NBEA: variants seen among roughly 807,000 people sequenced by gnomAD.
NBEA encodes neurobeachin, also known as lysosomal-trafficking regulator 2.
In NBEA, 44 loss-of-function variants were observed where a neutral mutation model predicts 343.4. The ratio of observed to expected loss-of-function variants is 0.13; its 90% CI spans 0.10 to 0.16. NBEA has a LOEUF of 0.16. Among genes scored for constraint, NBEA ranks in the 10% least tolerant of loss-of-function variants. NBEA has a pLI of 1.00. For synonymous variants in NBEA, 1,175 were observed against 1,238.7 expected, an observed-to-expected ratio of 0.95 and a Z score of 1.08; for missense variants, 2,555 against 3,631.3, an observed-to-expected ratio of 0.70 and a Z score of 7.62.
intron 41 of NBEA, among the ~76,000 whole-genome samples, chr13:35,510,766 A>G (rs1006621517): frequency 4.6e-5 from 7 of 152,160 alleles, no homozygotes; most frequent in South Asian, 4.1e-4. Flanking sequence ...AGTCCTTACA[A>G]TTTTGTTAGG....
intron 41 of NBEA, among the ~76,000 whole-genome samples, chr13:35,480,885 G>A (rs1352272096): frequency 1.3e-5 from 2 of 151,816 alleles, no homozygotes; most frequent in Non-Finnish European, 2.9e-5. Context: ...CCTGGTATAA[G>A]AACACTTGAG....
At chr13:35,410,207 T>C (rs1221850952) in intron 38 of NBEA, among the ~76,000 whole-genome samples, 1 of 152,166 alleles carries the variant, frequency 6.6e-6, no homozygotes, top group African/African-American at 2.4e-5. Context: ...CTATCTTTCC[T>C]TCCATGTTTA....
In NBEA at chr13:35,671,180, G is replaced by A. The variant is rs771924712; in HGVS notation, c.*189G>A. 1 of 546,640 alleles carries A rather than the reference G, an allele frequency of 1.8e-6. No homozygotes were observed. The highest frequency in any genetic ancestry group is 3.3e-6 in the Non-Finnish European group (1 of 304,172). 33.9% of individuals were successfully genotyped at this position (546,640 alleles called of 1,614,324 possible). On this transcript the variant is annotated 3_prime_UTR_variant, in exon 59 of 59. Coordinates refer to ENST00000379939, the MANE Select transcript of NBEA (RefSeq NM_001385012.1). ...TGTGTTTTTTCACGACTGAACACCA[G>A]CTGCTATCAAGCAAGCTTATATCAT...
intron 34 of NBEA, among the ~76,000 whole-genome samples, chr13:35,285,280 T>G (rs1338860815): frequency 2.6e-5 from 4 of 151,980 alleles, no homozygotes; most frequent in African/African-American, 9.7e-5. Context: ...ATTACAAAAA[T>G]TATCCACTGT....
intron 41 of NBEA, among the ~76,000 whole-genome samples, chr13:35,532,073 T>A (rs528695795): frequency 6.6e-6 from 1 of 152,350 alleles, no homozygotes; most frequent in African/African-American, 2.4e-5. Context: ...AGGGATTAGC[T>A]TCAAATTGTC....
chr13:35,200,669 A>G (rs1249977339), intron 31 of NBEA, among the ~76,000 whole-genome samples: 2 of 151,884 alleles, frequency 1.3e-5, no homozygotes, highest in Non-Finnish European at 2.9e-5. Context: ...CAGGGAAACT[A>G]GTAGGTATTT....
chr13:35,445,810 ATATATATG>A (rs1296948134), intron 39 of NBEA, among the ~76,000 whole-genome samples: 1 of 135,476 alleles, frequency 7.4e-6, no homozygotes, highest in Admixed American at 7.3e-5. Flanking sequence ...ATATATATAT[ATATATATG>A]TATATATATA....
At chr13:35,013,222 A>T (rs768553900) in intron 1 of NBEA, among the ~76,000 whole-genome samples, 27 of 152,310 alleles carry the variant, frequency 1.8e-4, no homozygotes, top group South Asian at 4.1e-4. Flanking sequence ...GGAACTTATC[A>T]TTAGAAGTTT....
chr13:34,980,371 A>G (rs966672584), intron 1 of NBEA, among the ~76,000 whole-genome samples: 6 of 151,844 alleles, frequency 4.0e-5, no homozygotes, highest in Non-Finnish European at 8.8e-5. Flanking sequence ...GATCTTTTAA[A>G]AATTTCTTCC....
chr13:35,040,220 T>C (rs2062599738), intron 1 of NBEA, among the ~76,000 whole-genome samples: 1 of 152,170 alleles, frequency 6.6e-6, no homozygotes, highest in South Asian at 2.1e-4. Context: ...TAAAGAGTGT[T>C]ATTATGTTAT....
At chr13:35,426,872 T>C (rs2044713712) in intron 38 of NBEA, among the ~76,000 whole-genome samples, 1 of 152,184 alleles carries the variant, frequency 6.6e-6, no homozygotes, top group African/African-American at 2.4e-5. Flanking sequence ...TCTAAACTTC[T>C]CGCTTCATTT....
At chr13:35,433,325 A>G (rs977689341) in intron 39 of NBEA, among the ~76,000 whole-genome samples, 2 of 152,050 alleles carry the variant, frequency 1.3e-5, no homozygotes, top group Non-Finnish European at 2.9e-5. Flanking sequence ...AACACTGTCC[A>G]TGTGTTTGTT....
chr13:35,349,543 A>G (rs1407132757), intron 37 of NBEA, among the ~76,000 whole-genome samples: 1 of 152,154 alleles, frequency 6.6e-6, no homozygotes, highest in African/African-American at 2.4e-5. Flanking sequence ...TTACACACCA[A>G]TAGGTAGATA....
chr13:35,292,243 T>C (rs2035849168), intron 35 of NBEA, among the ~76,000 whole-genome samples: 1 of 151,974 alleles, frequency 6.6e-6, no homozygotes. Flanking sequence ...ATGTCTTTAG[T>C]TGTAAGGACA....
chr13:35,033,576 A>C (rs1483260162), intron 1 of NBEA, among the ~76,000 whole-genome samples: 1 of 151,964 alleles, frequency 6.6e-6, no homozygotes, highest in African/African-American at 2.4e-5. Context: ...ATTGCATTGA[A>C]TCTATAGATT....
chr13:35,511,461 T>G (rs1485747152), intron 41 of NBEA, among the ~76,000 whole-genome samples: 1 of 152,090 alleles, frequency 6.6e-6, no homozygotes, highest in African/African-American at 2.4e-5. Context: ...ACAGAACCTA[T>G]TACAGATTTT....
chr13:35,099,942 CCTTTT>C (rs1380858933), intron 11 of NBEA, among the ~76,000 whole-genome samples: 2 of 152,062 alleles, frequency 1.3e-5, no homozygotes, highest in Non-Finnish European at 2.9e-5. Context: ...CACTCTCTGA[CCTTTT>C]CTTATCAGTT....
intron 40 of NBEA, among the ~76,000 whole-genome samples, chr13:35,465,704 C>T (rs988459070): frequency 1.3e-5 from 2 of 152,122 alleles, no homozygotes; most frequent in Non-Finnish European, 2.9e-5. Flanking sequence ...GAAACTATCA[C>T]TGTTGTTTAG....
chr13:35,591,158 A>C (rs1399108546), intron 46 of NBEA, among the ~76,000 whole-genome samples: 2 of 152,070 alleles, frequency 1.3e-5, no homozygotes, highest in African/African-American at 2.4e-5. Context: ...TTCCCAGTTT[A>C]CATAGATGAA....
Sources: gnomAD v4.1 joint callset for allele counts (sites outside exome capture counted in the v4.1 genomes callset) on GRCh38, gnomAD v4.1.1 for gene constraint, MANE v1.5 for transcripts, NCBI Gene and HGNC (gene_info 2026-07-23, HGNC 2026-07-21) for gene names.